The following ZNF185 variants were observed in gnomAD, a reference collection of about 807,000 sequenced individuals.
ZNF185 encodes the protein zinc finger protein 185 with LIM domain.
A neutral mutation model predicts 58.6 loss-of-function variants in ZNF185; 56 were observed. The observed-to-expected ratio is 0.95, with a 90% CI of 0.77 to 1.19. The LOEUF is 1.19. Among genes scored for constraint, ZNF185 ranks in the 50% most tolerant of loss-of-function variants. The pLI is 0.00. For missense variants in ZNF185, 627 were observed against 573.5 expected, an observed-to-expected ratio of 1.09 and a Z score of -0.95; for synonymous variants, 230 against 215.9, an observed-to-expected ratio of 1.07 and a Z score of -0.57.
At chrX:152,961,124 T>C (rs1556910002) in intron 17 of ZNF185, among the ~76,000 whole-genome samples, 1 of 112,331 alleles carries the variant, frequency 8.9e-6, no homozygotes, top group East Asian at 2.8e-4. Context: ...GTGCTCTCTC[T>C]GTCTCCCAGT....
At chrX:152,959,866 A>T in exon 17 of ZNF185, 1 of 1,211,066 alleles carries the variant, frequency 8.3e-7, no homozygotes, top group Non-Finnish European at 1.1e-6. Context: ...GGATCTGAGC[A>T]ATTCGTCAGA....
intron 15 of ZNF185, among the ~76,000 whole-genome samples, chrX:152,942,927 G>C (rs893784169): frequency 2.7e-5 from 3 of 111,536 alleles, no homozygotes; most frequent in Admixed American, 9.5e-5. Context: ...GCAACGTAGT[G>C]AGACCTCATC....
At chrX:152,921,280 A>G (rs782691929) in intron 9 of ZNF185, among the ~76,000 whole-genome samples, 1 of 111,856 alleles carries the variant, frequency 8.9e-6, no homozygotes, top group East Asian at 2.8e-4. Context: ...GAAAGCAAGA[A>G]AGAAACTTCT....
At chrX:152,904,485 T>G in the ZNF185 span, among the ~76,000 whole-genome samples, 1 of 112,486 alleles carries the variant, frequency 8.9e-6, no homozygotes, top group African/African-American at 3.2e-5. Context: ...GGAATCAGAA[T>G]GTCCTGATTC....
chrX:152,937,610 A>G (rs1320370004), intron 14 of ZNF185, among the ~76,000 whole-genome samples: 1 of 112,045 alleles, frequency 8.9e-6, no homozygotes, highest in South Asian at 3.7e-4. Flanking sequence ...CCCCATACAC[A>G]GCGTCAACAG....
chrX:152,939,234 G>C (rs1379705980), intron 15 of ZNF185, among the ~76,000 whole-genome samples: 1 of 105,010 alleles, frequency 9.5e-6, no homozygotes, highest in Admixed American at 1.1e-4. Context: ...GGTGGGCAAT[G>C]GATATCTAAG....
At chrX:152,968,150 C>T in intron 20 of ZNF185, among the ~76,000 whole-genome samples, 1 of 112,287 alleles carries the variant, frequency 8.9e-6, no homozygotes, top group Non-Finnish European at 1.9e-5. Flanking sequence ...GGAATCTCCT[C>T]CACTATAGCT....
At chrX:152,945,224 G>T in intron 15 of ZNF185, 43 bp from the exon 18 acceptor site, 1 of 1,166,073 alleles carries the variant, frequency 8.6e-7, no homozygotes, top group Non-Finnish European at 1.1e-6. Context: ...GGCAGGGTTA[G>T]TTTCAGAGCA....
intron 18 of ZNF185, among the ~76,000 whole-genome samples, chrX:152,964,985 T>C (rs976544464): frequency 9.0e-6 from 1 of 111,317 alleles, no homozygotes; most frequent in Non-Finnish European, 1.9e-5. Context: ...GAGGTGGAGA[T>C]TGCACAGTAG....
chrX:152,970,957 A>G (rs1413742715), intron 22 of ZNF185, among the ~76,000 whole-genome samples: 1 of 112,024 alleles, frequency 8.9e-6, no homozygotes, highest in African/African-American at 3.2e-5. Flanking sequence ...TGTCACTCGC[A>G]TAGCTTCAGA....
At chrX:152,968,441 G>GCACACATGCATATGCACAGA (rs1556916325) in intron 20 of ZNF185, among the ~76,000 whole-genome samples, 3 of 112,916 alleles carry the variant, frequency 2.7e-5, no homozygotes, top group Non-Finnish European at 5.6e-5. Flanking sequence ...TCAGTCACTT[G>GCACACATGCATATGCACAGA]CACACATGCA....
intron 12 of ZNF185, among the ~76,000 whole-genome samples, chrX:152,929,107 C>T (rs1441999015): frequency 8.9e-6 from 1 of 111,827 alleles, no homozygotes; most frequent in Non-Finnish European, 1.9e-5. Flanking sequence ...CTAAGGAGCC[C>T]GTGAAGGCCA....
At chrX:152,940,190 T>C (rs1417466021) in intron 15 of ZNF185, among the ~76,000 whole-genome samples, 1 of 110,966 alleles carries the variant, frequency 9.0e-6, no homozygotes, top group Non-Finnish European at 1.9e-5. Flanking sequence ...CTCTGTAAAA[T>C]ATTTGAAGAA....
the ZNF185 span, among the ~76,000 whole-genome samples, chrX:152,903,141 C>A: frequency 2.7e-5 from 3 of 110,094 alleles, no homozygotes; most frequent in Admixed American, 9.7e-5. Flanking sequence ...GTAATCCCAG[C>A]ACTTTGGGAG....
chrX:152,962,318 T>G lies in ZNF185; in HGVS notation c.1608-1521T>G, dbSNP rs111342337. Among the ~76,000 whole-genome samples the G allele has an allele frequency of 6.8e-3, 750 of 110,702 alleles. 10 individuals carry two copies. The highest frequency in any genetic ancestry group is 0.023 in the African/African-American group (706 of 30,343). On this transcript the variant is annotated intron_variant, in intron 17 of 22. Coordinates refer to ENST00000449285, the Ensembl canonical transcript of ZNF185. ...TTTCTTTTTTTTAAGAGGCGGTGTTTCACTGTGTTACCCAGGTTGTTTTTG... is the reference window on the plus strand; with the variant it reads ...TTTCTTTTTTTTAAGAGGCGGTGTTGCACTGTGTTACCCAGGTTGTTTTTG...
At chrX:152,917,264 A>G (rs1042345404) in intron 4 of ZNF185, 21 bp from the exon 6 acceptor site, 2 of 1,211,128 alleles carry the variant, frequency 1.7e-6, no homozygotes, top group African/African-American at 3.5e-5. Flanking sequence ...GCTCACCGGC[A>G]TCTCCTGGGC....
chrX:152,930,821 ATGG>A (rs781921425), intron 12 of ZNF185, among the ~76,000 whole-genome samples: 15 of 111,221 alleles, frequency 1.3e-4, no homozygotes, highest in Admixed American at 1.1e-3. Context: ...GCAGTACTGA[ATGG>A]TGGTTTGAAA....
intron 19 of ZNF185, 125 bp downstream of exon 21, chrX:152,965,652 G>C: frequency 3.6e-6 from 2 of 550,081 alleles, no homozygotes; most frequent in Non-Finnish European, 5.9e-6. Context: ...ATTGTCGAGT[G>C]GATGAGTGAT....
chrX:152,904,068 C>T, the ZNF185 span, among the ~76,000 whole-genome samples: 1 of 112,648 alleles, frequency 8.9e-6, no homozygotes, highest in African/African-American at 3.2e-5. Flanking sequence ...ATTATATTTT[C>T]CCCTCTGCAA....
Sources: gnomAD v4.1 joint callset for allele counts (sites outside exome capture counted in the v4.1 genomes callset) on GRCh38, gnomAD v4.1.1 for gene constraint, MANE v1.5 for transcripts, NCBI Gene and HGNC (gene_info 2026-07-23, HGNC 2026-07-21) for gene names.